The following BNC2 variants were observed in gnomAD, a reference collection of about 807,000 sequenced individuals.
BNC2 encodes the protein basonuclin zinc finger protein 2, also known as zinc finger protein basonuclin-2.
In BNC2, 20 loss-of-function variants were observed where a neutral mutation model predicts 76.3. That is an observed-to-expected ratio of 0.26 (90% CI 0.18 to 0.38). BNC2 has a LOEUF of 0.38. Among genes scored for constraint, BNC2 ranks in the 10% least tolerant of loss-of-function variants. BNC2 has a pLI of 1.00. For synonymous variants in BNC2, 582 were observed against 514.8 expected, an observed-to-expected ratio of 1.13 and a Z score of -1.77; for missense variants, 1,382 against 1,399.8, an observed-to-expected ratio of 0.99 and a Z score of 0.20.
intron 1 of BNC2, among the ~76,000 whole-genome samples, chr9:16,853,981 G>A (rs1226912908): frequency 6.6e-6 from 1 of 152,206 alleles, no homozygotes; most frequent in African/African-American, 2.4e-5. Flanking sequence ...CATGTCGCCT[G>A]AACTTATGGA....
In BNC2 at chr9:16,865,470, C is replaced by G. The variant is rs1207655636; in HGVS notation, c.3+5176G>C. On this transcript the variant is annotated intron_variant, in intron 1 of 6. Coordinates refer to ENST00000380672, the MANE Select transcript of BNC2 (RefSeq NM_017637.6). ...GCAGTTACTAGCAATTTGTGAAGTA[C>G]CAGGCAAACTTTTTGTAATTGTAAG... Among the ~76,000 whole-genome samples, 7 of 152,132 alleles carry G rather than the reference C, an allele frequency of 4.6e-5. 1 individual carries two copies. Among genetic ancestry groups the G allele is most frequent in the South Asian group, 4.1e-4 (2 of 4,822 alleles).
intron 3 of BNC2, among the ~76,000 whole-genome samples, chr9:16,671,953 T>A (rs1822490008): frequency 6.6e-6 from 1 of 152,226 alleles, no homozygotes; most frequent in Admixed American, 6.5e-5. Context: ...TGTAAGGTTG[T>A]CTTATGCCAC....
chr9:16,753,929 G>A (rs754939801), intron 1 of BNC2, among the ~76,000 whole-genome samples: 12 of 152,208 alleles, frequency 7.9e-5, no homozygotes, highest in African/African-American at 1.7e-4. Flanking sequence ...CTTACTGAGC[G>A]CTGTGAAGCC....
At chr9:16,481,802 G>T (rs1822063502) in intron 5 of BNC2, among the ~76,000 whole-genome samples, 1 of 152,188 alleles carries the variant, frequency 6.6e-6, no homozygotes, top group African/African-American at 2.4e-5. Flanking sequence ...TCTACACTGA[G>T]AATGAAATTA....
chr9:16,755,668 G>C (rs571839358), intron 1 of BNC2, among the ~76,000 whole-genome samples: 1 of 151,958 alleles, frequency 6.6e-6, no homozygotes, highest in East Asian at 1.9e-4. Flanking sequence ...CACTATGAAT[G>C]CACTCCTGTC....
chr9:16,533,559 G>A (rs1818045808), intron 5 of BNC2, among the ~76,000 whole-genome samples: 2 of 152,132 alleles, frequency 1.3e-5, no homozygotes, highest in Admixed American at 1.3e-4. Flanking sequence ...GGCAGTATCT[G>A]TTAAGATGAA....
At chr9:16,561,757 C>A (rs996238966) in intron 4 of BNC2, among the ~76,000 whole-genome samples, 4 of 152,148 alleles carry the variant, frequency 2.6e-5, no homozygotes, top group African/African-American at 9.7e-5. Context: ...AAATCCAGCA[C>A]TTTTGAGAAG....
intron 1 of BNC2, among the ~76,000 whole-genome samples, chr9:16,799,125 T>C (rs1022485475): frequency 3.3e-5 from 5 of 152,106 alleles, no homozygotes; most frequent in Non-Finnish European, 7.4e-5. Flanking sequence ...TTTTCCTTTT[T>C]TTTTCCGATT....
At chr9:16,439,546 A>T (rs1248969586) in intron 5 of BNC2, among the ~76,000 whole-genome samples, 1 of 152,170 alleles carries the variant, frequency 6.6e-6, no homozygotes, top group Non-Finnish European at 1.5e-5. Flanking sequence ...TGCTTTATGT[A>T]GGATGTTACA....
intron 5 of BNC2, among the ~76,000 whole-genome samples, chr9:16,450,643 C>A (rs1044552133): frequency 1.3e-5 from 2 of 152,180 alleles, no homozygotes; most frequent in Non-Finnish European, 2.9e-5. Flanking sequence ...GCTTCTAACA[C>A]CGATGATAAA....
chr9:16,645,156 TTGAACCTTGGCTTGGATAAGA>T (rs988443770), intron 3 of BNC2, among the ~76,000 whole-genome samples: 8 of 152,178 alleles, frequency 5.3e-5, no homozygotes, highest in African/African-American at 1.9e-4. Context: ...ATAATGTTCC[TTGAACCTTGGCTTGGATAAGA>T]GAAAAAGAAG....
At chr9:16,813,662 C>T (rs1818113225) in intron 1 of BNC2, among the ~76,000 whole-genome samples, 1 of 152,188 alleles carries the variant, frequency 6.6e-6, no homozygotes, top group South Asian at 2.1e-4. Context: ...TACAAAGCTT[C>T]TAGCTGCAAT....
At chr9:16,752,843 G>C (rs1314014953) in intron 1 of BNC2, among the ~76,000 whole-genome samples, 1 of 152,178 alleles carries the variant, frequency 6.6e-6, no homozygotes, top group African/African-American at 2.4e-5. Flanking sequence ...TTATTAGCCA[G>C]TAAGTTTTGA....
At chr9:16,785,780 C>T (rs1826276372) in intron 1 of BNC2, among the ~76,000 whole-genome samples, 1 of 149,860 alleles carries the variant, frequency 6.7e-6, no homozygotes, top group African/African-American at 2.4e-5. Flanking sequence ...GCACTCCAGC[C>T]TGGGCAACAG....
chr9:16,722,380 T>C (rs187057742), intron 3 of BNC2, among the ~76,000 whole-genome samples: 40 of 152,336 alleles, frequency 2.6e-4, no homozygotes, highest in African/African-American at 9.4e-4. Flanking sequence ...CCCAAATCTG[T>C]CCTGTCACTG....
chr9:16,603,421 T>G, intron 3 of BNC2, among the ~76,000 whole-genome samples: 1 of 152,198 alleles, frequency 6.6e-6, no homozygotes, highest in South Asian at 2.1e-4. Flanking sequence ...CTGCTACCAA[T>G]GCAAATATTT....
chr9:16,838,674 T>C (rs1244170737), intron 1 of BNC2, among the ~76,000 whole-genome samples: 1 of 152,218 alleles, frequency 6.6e-6, no homozygotes, highest in Admixed American at 6.5e-5. Flanking sequence ...TGCATAATGG[T>C]AAATCCAGTG....
intron 5 of BNC2, among the ~76,000 whole-genome samples, chr9:16,441,487 T>A (rs1821127480): frequency 6.6e-6 from 1 of 152,146 alleles, no homozygotes; most frequent in Admixed American, 6.5e-5. Context: ...TTAGAAAGCA[T>A]CAAAGGGAAA....
chr9:16,423,504 C>G (rs969327922), intron 6 of BNC2, among the ~76,000 whole-genome samples: 6 of 152,178 alleles, frequency 3.9e-5, no homozygotes, highest in African/African-American at 1.4e-4. Flanking sequence ...AAGAACATAA[C>G]TAAATCTTAC....
Sources: allele counts gnomAD v4.1 joint callset (sites outside exome capture counted in the v4.1 genomes callset), GRCh38; gene constraint gnomAD v4.1.1; transcripts MANE v1.5; gene names NCBI Gene and HGNC (gene_info 2026-07-23, HGNC 2026-07-21).